The following ATRNL1 variants were observed in gnomAD, a reference collection of about 807,000 sequenced individuals.
ATRNL1 encodes attractin-like protein 1.
ATRNL1 carries 95 observed loss-of-function variants against 182.7 expected under a neutral mutation model. The ratio of observed to expected loss-of-function variants is 0.52; its 90% CI spans 0.44 to 0.62. ATRNL1 has a LOEUF of 0.62. ATRNL1 is among the 20% of genes least tolerant of loss of function. ATRNL1 has a pLI of 0.00. For missense variants in ATRNL1, 1,471 were observed against 1,679.5 expected, an observed-to-expected ratio of 0.88 and a Z score of 2.17; for synonymous variants, 576 against 568.3, an observed-to-expected ratio of 1.01 and a Z score of -0.19.
At chr10:115,115,769 T>C (rs1395126271) in intron 1 of ATRNL1, among the ~76,000 whole-genome samples, 3 of 152,100 alleles carry the variant, frequency 2.0e-5, no homozygotes, top group Admixed American at 6.6e-5. Flanking sequence ...AAATTAAAAC[T>C]ATCACACTTT....
At chr10:115,497,726 C>T (rs113879506) in intron 24 of ATRNL1, among the ~76,000 whole-genome samples, 66 of 151,312 alleles carry the variant, frequency 4.4e-4, no homozygotes, top group African/African-American at 1.5e-3. Flanking sequence ...GGCGCAATCT[C>T]GGCTCACCGC....
At chr10:115,259,289 C>T (rs1485046969) in intron 10 of ATRNL1, among the ~76,000 whole-genome samples, 1 of 152,184 alleles carries the variant, frequency 6.6e-6, no homozygotes, top group African/African-American at 2.4e-5. Context: ...TTTAAGCTTC[C>T]TGGCCGCTTT....
chr10:115,847,312 T>A (rs1950951638), intron 27 of ATRNL1, among the ~76,000 whole-genome samples: 1 of 152,090 alleles, frequency 6.6e-6, no homozygotes, highest in Admixed American at 6.6e-5. Context: ...AGGACTGTAG[T>A]TAATACTGTT....
At chr10:115,840,563 G>A (rs531296823) in intron 27 of ATRNL1, among the ~76,000 whole-genome samples, 52 of 152,050 alleles carry the variant, frequency 3.4e-4, no homozygotes, top group Admixed American at 1.9e-3. Flanking sequence ...GAGGCACAGG[G>A]AGGTTAAGTG....
At chr10:115,453,009 G>A (rs1554967966) in intron 21 of ATRNL1, among the ~76,000 whole-genome samples, 2 of 152,028 alleles carry the variant, frequency 1.3e-5, no homozygotes, top group African/African-American at 4.8e-5. Context: ...CTATGTTGTT[G>A]CAAATGGCAG....
intron 24 of ATRNL1, among the ~76,000 whole-genome samples, chr10:115,496,379 A>G (rs1554978278): frequency 6.6e-6 from 1 of 152,226 alleles, no homozygotes. Context: ...TAAGGCAGGT[A>G]ATGAATTCCG....
chr10:115,761,969 C>A (rs1183651865), intron 27 of ATRNL1, among the ~76,000 whole-genome samples: 3 of 152,150 alleles, frequency 2.0e-5, no homozygotes, highest in Non-Finnish European at 4.4e-5. Flanking sequence ...GGGCTCTTTT[C>A]TCTTTCTCTG....
At chr10:115,691,388 T>C (rs1439362322) in intron 26 of ATRNL1, among the ~76,000 whole-genome samples, 1 of 152,192 alleles carries the variant, frequency 6.6e-6, no homozygotes, top group Non-Finnish European at 1.5e-5. Context: ...TGAGCACCTT[T>C]TCATATACAT....
intron 26 of ATRNL1, among the ~76,000 whole-genome samples, chr10:115,645,453 T>G (rs1013720495): frequency 1.4e-5 from 2 of 147,642 alleles, no homozygotes; most frequent in African/African-American, 4.9e-5. Context: ...TATAGATTTA[T>G]ATATCTATAT....
At chr10:115,287,864 G>A (rs892180275) in intron 15 of ATRNL1, among the ~76,000 whole-genome samples, 12 of 147,148 alleles carry the variant, frequency 8.2e-5, no homozygotes, top group Admixed American at 5.4e-4. Flanking sequence ...CCTCCCTTTC[G>A]CCTTACTCTT....
In ATRNL1 at chr10:115,176,543, G is replaced by A. The variant is rs369103212; in HGVS notation, c.1348+5251G>A. 6.7e-4 allele frequency among the ~76,000 whole-genome samples: 102 copies of A among 152,194 alleles called. 2 individuals carry two copies. The South Asian group carries it at 0.021, about 31-fold the overall frequency. On this transcript the variant is annotated intron_variant, in intron 8 of 28. Coordinates refer to ENST00000355044, the MANE Select transcript of ATRNL1 (RefSeq NM_207303.4). ...ATTTTTTAAAAAAGTAGAGCCAATA[G>A]TATTTGCTGAGGGTTTAGATGTAGA... is the stretch of plus-strand genomic sequence containing the variant.
chr10:115,851,623 G>A (rs560962618), intron 28 of ATRNL1, among the ~76,000 whole-genome samples: 1 of 152,160 alleles, frequency 6.6e-6, no homozygotes, highest in South Asian at 2.1e-4. Flanking sequence ...TCTCCCTTTA[G>A]GGGGCTTAGA....
intron 19 of ATRNL1, among the ~76,000 whole-genome samples, chr10:115,335,018 T>C (rs1319835672): frequency 1.3e-5 from 2 of 152,146 alleles, no homozygotes; most frequent in Non-Finnish European, 2.9e-5. Flanking sequence ...TTATGTAATA[T>C]AGGCCTTAGG....
intron 27 of ATRNL1, among the ~76,000 whole-genome samples, chr10:115,825,246 G>A (rs1338078688): frequency 6.6e-6 from 1 of 152,014 alleles, no homozygotes; most frequent in Non-Finnish European, 1.5e-5. Flanking sequence ...ACACAAGGAT[G>A]CAGAGAGGGG....
intron 24 of ATRNL1, among the ~76,000 whole-genome samples, chr10:115,509,823 G>C (rs1406167993): frequency 6.6e-6 from 1 of 151,988 alleles, no homozygotes; most frequent in Non-Finnish European, 1.5e-5. Context: ...TAAGGCTATA[G>C]CTGACATAGG....
intron 24 of ATRNL1, among the ~76,000 whole-genome samples, chr10:115,477,107 T>C (rs1848568036): frequency 6.6e-6 from 1 of 151,582 alleles, no homozygotes; most frequent in Non-Finnish European, 1.5e-5. Flanking sequence ...AGATAGTTTA[T>C]GAGTACAATA....
intron 9 of ATRNL1, among the ~76,000 whole-genome samples, chr10:115,234,579 T>A (rs1389677226): frequency 6.6e-6 from 1 of 150,486 alleles, no homozygotes; most frequent in African/African-American, 2.5e-5. Context: ...CTAGATTCGA[T>A]TTTTTTCTTT....
intron 12 of ATRNL1, 65 bp downstream of exon 12, chr10:115,267,070 C>A (rs186861893): frequency 9.0e-7 from 1 of 1,113,660 alleles, no homozygotes; most frequent in African/African-American, 1.6e-5. Context: ...GTAGAAATAT[C>A]TTCTGCTTAT....
chr10:115,922,465 G>A (rs1953095011), intron 28 of ATRNL1, among the ~76,000 whole-genome samples: 2 of 152,008 alleles, frequency 1.3e-5, no homozygotes, highest in African/African-American at 4.8e-5. Flanking sequence ...TATTTATTAT[G>A]TTTTAATTTC....
Sources: allele counts gnomAD v4.1 joint callset (sites outside exome capture counted in the v4.1 genomes callset), GRCh38; gene constraint gnomAD v4.1.1; transcripts MANE v1.5; gene names NCBI Gene and HGNC (gene_info 2026-07-23, HGNC 2026-07-21).